Variants in WRN observed in about 807,000 individuals in gnomAD.
WRN encodes the protein WRN RecQ like helicase, also known as bifunctional 3'-5' exonuclease/ATP-dependent helicase WRN.
A neutral mutation model predicts 180.7 loss-of-function variants in WRN; 149 were observed. The ratio of observed to expected loss-of-function variants is 0.82; its 90% CI spans 0.72 to 0.94. The LOEUF is 0.94. WRN is among the 40% of genes least tolerant of loss of function. The pLI, the probability that WRN is intolerant of heterozygous loss-of-function variation, is 0.00. For synonymous variants in WRN, 548 were observed against 568.9 expected (o/e 0.96, Z 0.52); for missense variants, 1,661 against 1,700.1 (o/e 0.98, Z 0.40).
intron 30 of WRN, among the ~76,000 whole-genome samples, chr8:31,147,752 C>T (rs1341921316): frequency 6.6e-6 from 1 of 152,144 alleles, no homozygotes; most frequent in African/African-American, 2.4e-5. Flanking sequence ...CGAAACTCCT[C>T]TTTTTGGATT....
chr8:31,086,731 G>A (rs1221277714), intron 11 of WRN, among the ~76,000 whole-genome samples: 1 of 152,144 alleles, frequency 6.6e-6, no homozygotes, highest in Admixed American at 6.5e-5. Flanking sequence ...GGTATTGCTT[G>A]AGAAGAGCTT....
rs541106608 is a variant in WRN at position 31,132,351 on chromosome 8, T to C, written c.2826-14T>C. On this transcript the variant is annotated splice_polypyrimidine_tract_variant and intron_variant, in intron 23 of 34. Transcript: ENST00000298139. ...TTTGCTAAGCTTTCTTCAAATGTTA[T>C]TATTTTTATTTAGATTGGATCATTG... The C allele has an allele frequency of 9.9e-6, 16 of 1,612,704 alleles. No individual in the cohort carries two copies. The Admixed American group carries it at 2.2e-4, about 22-fold the overall frequency.
At chr8:31,095,463 T>G (rs970047928) in intron 16 of WRN, among the ~76,000 whole-genome samples, 8 of 152,216 alleles carry the variant, frequency 5.3e-5, no homozygotes, top group Non-Finnish European at 8.8e-5. Flanking sequence ...TTGCTTTTAG[T>G]GTTTTGACCC....
At chr8:31,078,499 A>G (rs1191393018) in intron 8 of WRN, among the ~76,000 whole-genome samples, 1 of 152,224 alleles carries the variant, frequency 6.6e-6, no homozygotes, top group South Asian at 2.1e-4. Flanking sequence ...TGGTGTAAAT[A>G]AGTAATCATA....
chr8:31,081,371 T>C (rs1056257234), intron 9 of WRN, 75 bp downstream of exon 9: 36 of 1,498,264 alleles, frequency 2.4e-5, no homozygotes, highest in African/African-American at 1.8e-4. Flanking sequence ...AAGAGACAGA[T>C]AGTAAATATT....
At chr8:31,110,696 A>G (rs756139067) in intron 18 of WRN, among the ~76,000 whole-genome samples, 7 of 152,208 alleles carry the variant, frequency 4.6e-5, no homozygotes, top group African/African-American at 7.2e-5. Flanking sequence ...CTGAAGAGCT[A>G]TTTTATGAGA....
intron 12 of WRN, 33 bp from the exon 13 acceptor site, chr8:31,088,857 T>C: frequency 6.3e-7 from 1 of 1,576,240 alleles, no homozygotes; most frequent in South Asian, 1.1e-5. Flanking sequence ...TTTTTCTACT[T>C]GAACATAAAT....
chr8:31,149,079 C>A (rs1315564844), intron 30 of WRN, among the ~76,000 whole-genome samples: 1 of 152,180 alleles, frequency 6.6e-6, no homozygotes, highest in African/African-American at 2.4e-5. Context: ...AGTGCTACAT[C>A]TGACACTAAT....
chr8:31,147,962 A>G lies in WRN; in HGVS notation c.3572+486A>G, dbSNP rs527512512. 2.8e-5 allele frequency among the ~76,000 whole-genome samples: 4 copies of G among 145,378 alleles called. No homozygotes were observed. The Admixed American group carries it at 2.9e-4, about 10-fold the overall frequency. ...GAGTGTAGTGGTGCGATCACTGCTC[A>G]CTGCAGCCTTGACCCCCTGGACTCA... On this transcript the variant is annotated intron_variant, in intron 30 of 34. Coordinates refer to ENST00000298139, the MANE Select transcript of WRN (RefSeq NM_000553.6).
At chr8:31,105,785 C>T (rs1164398532) in intron 18 of WRN, among the ~76,000 whole-genome samples, 1 of 152,164 alleles carries the variant, frequency 6.6e-6, no homozygotes, top group Non-Finnish European at 1.5e-5. Flanking sequence ...CAAGTCTATA[C>T]TGAGGACTCC....
At chr8:31,138,753 A>G (rs1802493788) in intron 24 of WRN, among the ~76,000 whole-genome samples, 1 of 152,146 alleles carries the variant, frequency 6.6e-6, no homozygotes, top group Non-Finnish European at 1.5e-5. Context: ...AAAAAATTCT[A>G]TTCTATTTTA....
At position 31,167,208 on chromosome 8, in the gene WRN, A is replaced by G; in HGVS notation, c.4169A>G (p.Glu1390Gly). ...EICSSSKRSK[E>G]EVGINTETSS... ...TGTTCAAGTTCTAAGAGAAGCAAGG[A>G]AGAAGTAGGCATCAATACTGAGGTA... Residue 1390 changes from glutamate to glycine, a missense_variant, in exon 34 of 35, where the codon GAA becomes GGA. Physicochemically the swap from Glu to Gly is moderately conservative, Grantham distance 98. This residue lies in a region of WRN where 1,141 missense variants were observed against 1,149.4 expected (regional missense o/e 0.99). Coordinates refer to ENST00000298139, the MANE Select transcript of WRN (RefSeq NM_000553.6). The G allele has an allele frequency of 1.2e-6, 2 of 1,613,134 alleles. No individual in the cohort carries two copies. Among genetic ancestry groups the G allele is most frequent in the Non-Finnish European group, 1.7e-6 (2 of 1,179,348 alleles).
rs187298066 is a variant in WRN, at chr8:31,101,550, G to A, written c.2088+595G>A. ...GCCTGTAGTCCCAGCACTTTGGGAG[G>A]CCGAGGTGGGTGGATCACCTGAGGT... is the stretch of plus-strand genomic sequence containing the variant. On this transcript the variant is annotated intron_variant, in intron 18 of 34. Coordinates refer to ENST00000298139, the MANE Select transcript of WRN (RefSeq NM_000553.6). Among the ~76,000 whole-genome samples the A allele has an allele frequency of 2.8e-4, 42 of 152,214 alleles. No individual in the cohort carries two copies. The East Asian group carries it at 4.4e-3, about 16-fold the overall frequency.
chr8:31,136,615 T>C (rs1195358046), intron 24 of WRN, among the ~76,000 whole-genome samples: 2 of 152,112 alleles, frequency 1.3e-5, no homozygotes, highest in African/African-American at 4.8e-5. Flanking sequence ...GTGGGGGGAT[T>C]GCTCGAGACC....
chr8:31,050,435 G>T lies in WRN; in HGVS notation c.-76-7937G>T, dbSNP rs185093352. 1.2e-3 allele frequency among the ~76,000 whole-genome samples: 181 copies of T among 151,840 alleles called. 1 individual carries two copies. Among genetic ancestry groups the T allele is most frequent in the Non-Finnish European group, 2.2e-3 (149 of 67,930 alleles). On this transcript the variant is annotated intron_variant, in intron 1 of 34. Coordinates refer to ENST00000298139, the MANE Select transcript of WRN (RefSeq NM_000553.6). The stretch of plus-strand genomic sequence containing the variant: ...GTCCCCTAATGAAATACTGATAATC[G>T]CTGGGTGAGCTTGTGCTCCTATATG...
At chr8:31,127,000 A>T (rs573624400) in intron 23 of WRN, among the ~76,000 whole-genome samples, 1 of 152,200 alleles carries the variant, frequency 6.6e-6, no homozygotes, top group African/African-American at 2.4e-5. Flanking sequence ...CAATTTCTTG[A>T]TAATCTCAAG....
chr8:31,132,873 G>A (rs1802241999), intron 24 of WRN, among the ~76,000 whole-genome samples: 3 of 152,096 alleles, frequency 2.0e-5, no homozygotes, highest in African/African-American at 7.2e-5. Context: ...CTTTTGTCCA[G>A]GAAACCATTA....
At chr8:31,134,080 T>A (rs1328219875) in intron 24 of WRN, among the ~76,000 whole-genome samples, 2 of 152,160 alleles carry the variant, frequency 1.3e-5, no homozygotes, top group African/African-American at 4.8e-5. Flanking sequence ...TAGATAAAAC[T>A]TTTCTAAAAG....
chr8:31,112,348 T>G (rs1441004645), intron 19 of WRN, among the ~76,000 whole-genome samples: 1 of 152,194 alleles, frequency 6.6e-6, no homozygotes, highest in Non-Finnish European at 1.5e-5. Flanking sequence ...TTAAGGAGCT[T>G]AGAAAAGGTC....
Sources: gnomAD v4.1 joint callset for allele counts (sites outside exome capture counted in the v4.1 genomes callset) on GRCh38, gnomAD v4.1.1 for gene constraint, gnomAD v4.1.1 regional missense constraint, MANE v1.5 for transcripts, NCBI Gene and HGNC (gene_info 2026-07-23, HGNC 2026-07-21) for gene names.